Variants in TSPAN11 observed in about 807,000 individuals in gnomAD.
TSPAN11 encodes tetraspanin 11.
Under a neutral mutation model 32.9 loss-of-function variants are expected in TSPAN11, and 29 were observed. That is an observed-to-expected ratio of 0.88 (90% CI 0.66 to 1.20). The LOEUF (loss-of-function observed/expected upper bound fraction) is 1.20, where lower values mean the gene tolerates loss of function less well. Among genes scored for constraint, TSPAN11 ranks in the 50% most tolerant of loss-of-function variants. The pLI is 0.00. For missense variants in TSPAN11, 283 were observed against 329.1 expected (o/e 0.86, Z 1.08); for synonymous variants, 140 against 141.3 (o/e 0.99, Z 0.07).
At position 30,936,271 on chromosome 12, in the gene TSPAN11, G is replaced by A. The variant is rs556504973; in HGVS notation, c.-12+9475G>A. Among the ~76,000 whole-genome samples, 10 of 152,200 alleles carry A rather than the reference G, an allele frequency of 6.6e-5. No individual in the cohort carries two copies. In the East Asian group the frequency reaches 9.6e-4, roughly 15 times the overall value. On this transcript the variant is annotated intron_variant, in intron 1 of 7. Transcript: ENST00000546076. ...ACATTTTTCTTCCTGAGCTGCATACGTTGTGCTACAGTGATATTAATGTGT... is the reference window on the plus strand; with the variant it reads ...ACATTTTTCTTCCTGAGCTGCATACATTGTGCTACAGTGATATTAATGTGT...
intron 5 of TSPAN11, among the ~76,000 whole-genome samples, chr12:30,981,586 C>T (rs1427652228): frequency 2.0e-5 from 3 of 151,794 alleles, no homozygotes; most frequent in Non-Finnish European, 4.4e-5. Flanking sequence ...ATGCTCTCCT[C>T]GACTCCGGGG....
intron 3 of TSPAN11, among the ~76,000 whole-genome samples, chr12:30,973,178 C>T (rs1184224909): frequency 6.6e-6 from 1 of 152,190 alleles, no homozygotes; most frequent in Admixed American, 6.5e-5. Context: ...GTTCCTCGCT[C>T]ACCACGTACT....
intron 5 of TSPAN11, 42 bp from the exon 6 acceptor site, chr12:30,982,490 A>G (rs1404432268): frequency 3.2e-6 from 5 of 1,583,642 alleles, no homozygotes; most frequent in Admixed American, 3.4e-5. Flanking sequence ...GACCCTACGC[A>G]GGCCTCTCAC....
intron 2 of TSPAN11, among the ~76,000 whole-genome samples, chr12:30,960,014 G>A (rs1481197817): frequency 1.3e-5 from 2 of 150,566 alleles, no homozygotes; most frequent in African/African-American, 2.5e-5. Flanking sequence ...GTGGGGAACC[G>A]AGGTGGACAG....
intron 1 of TSPAN11, among the ~76,000 whole-genome samples, chr12:30,939,997 T>C (rs1938127573): frequency 6.6e-6 from 1 of 152,220 alleles, no homozygotes; most frequent in African/African-American, 2.4e-5. Flanking sequence ...GAAGACATTG[T>C]GGAGAGTGCA....
chr12:30,992,039 C>G lies in TSPAN11; in HGVS notation c.*124C>G. 9.1e-7 allele frequency: 1 copy of G among 1,101,790 alleles called. No homozygotes were observed. Among genetic ancestry groups the G allele is most frequent in the South Asian group, 1.3e-5 (1 of 76,724 alleles). 68.3% of individuals were successfully genotyped at this position (1,101,790 alleles called of 1,614,324 possible). A position where few individuals can be genotyped will look rare whatever the true frequency, so the allele number is the denominator to read the frequency against. On this transcript the variant is annotated 3_prime_UTR_variant, in exon 8 of 8. Transcript: ENST00000546076. ...TAGATGCCCCCTCCTTTGTGCCTAG[C>G]TCCTGCGAATCCACCGAGTGCCTGA...
intron 3 of TSPAN11, 95 bp downstream of exon 3, chr12:30,964,112 AGGGGCTGAGGCT>A: frequency 2.0e-6 from 2 of 982,130 alleles, no homozygotes. Flanking sequence ...CTGGAGTGGG[AGGGGCTGAGGCT>A]GTGGGAGTGC....
intron 1 of TSPAN11, among the ~76,000 whole-genome samples, chr12:30,931,879 C>CAAAAAAAAAAAAAAAAAAAA (rs58500177): frequency 3.3e-5 from 2 of 60,886 alleles, no homozygotes; most frequent in African/African-American, 1.3e-4. Context: ...GACGCTGTAT[C>CAAAAAAAAAAAAAAAAAAAA]AAAAAAAAAA....
chr12:30,955,556 T>C (rs933539516), intron 2 of TSPAN11, among the ~76,000 whole-genome samples: 5 of 152,224 alleles, frequency 3.3e-5, no homozygotes, highest in South Asian at 4.1e-4. Flanking sequence ...CAAAATGCCA[T>C]AAACTGGATG....
chr12:30,987,513 G>C (rs948880757), intron 7 of TSPAN11, among the ~76,000 whole-genome samples: 3 of 152,046 alleles, frequency 2.0e-5, no homozygotes, highest in Non-Finnish European at 4.4e-5. Context: ...AGGCTAAGGC[G>C]GGAGAAACGC....
chr12:30,947,232 A>G (rs575207302), intron 1 of TSPAN11, among the ~76,000 whole-genome samples: 1 of 152,272 alleles, frequency 6.6e-6, no homozygotes, highest in African/African-American at 2.4e-5. Flanking sequence ...AAGGTCCTAG[A>G]CAGGGGAGTC....
At chr12:30,957,837 CTCCTTCCT>C (rs1222730421) in intron 2 of TSPAN11, among the ~76,000 whole-genome samples, 1 of 10,892 alleles carries the variant, frequency 9.2e-5, no homozygotes, top group Non-Finnish European at 1.9e-4. Flanking sequence ...CCCTCCCTCC[CTCCTTCCT>C]TCCTTCCTTC....
Position 30,982,643 on chromosome 12 carries a change from G to C in TSPAN11, c.568G>C (p.Val190Leu). The change falls in exon 6 of 8, where the codon GTG becomes CTG. Residue 190 changes from valine (V) to leucine (L), a missense_variant. By Grantham distance (32) the Val-to-Leu change is conservative (BLOSUM62 1). Coordinates refer to ENST00000546076, the MANE Select transcript of TSPAN11 (RefSeq NM_001370302.1). ...CGACAGCTGCTGCAAGACAGTGGTG[G>C]TGCGCTGCGGCCAGCGGGCCCACCC... ...VPDSCCKTVVVRCGQRAHPSN... is the reference protein window; with the variant it reads ...VPDSCCKTVVLRCGQRAHPSN... 1.2e-6 allele frequency: 2 copies of C among 1,610,082 alleles called. No homozygotes were observed. Among genetic ancestry groups the C allele is most frequent in the Non-Finnish European group, 1.7e-6 (2 of 1,178,378 alleles).
intron 1 of TSPAN11, among the ~76,000 whole-genome samples, chr12:30,943,819 TTAAC>T (rs1180795211): frequency 3.3e-5 from 5 of 152,138 alleles, no homozygotes; most frequent in Non-Finnish European, 4.4e-5. Context: ...AAAGTGAAAA[TTAAC>T]TAAGAGGGAA....
intron 7 of TSPAN11, among the ~76,000 whole-genome samples, chr12:30,987,296 C>CA (rs1939219187): frequency 1.3e-5 from 2 of 152,186 alleles, no homozygotes; most frequent in Admixed American, 1.3e-4. Flanking sequence ...CAGTGGTCCT[C>CA]AACCTTGGCT....
intron 7 of TSPAN11, 30 bp downstream of exon 7, chr12:30,983,180 TG>T: frequency 6.3e-7 from 1 of 1,592,238 alleles, no homozygotes; most frequent in Non-Finnish European, 8.5e-7. Context: ...CTGGTGGGGG[TG>T]GAAGGGCTCT....
intron 1 of TSPAN11, chr12:30,927,129 C>A: frequency 1.1e-6 from 1 of 898,260 alleles, no homozygotes; most frequent in Non-Finnish European, 1.5e-6. Context: ...GTCCAGCGTG[C>A]CCGGGGCATG....
chr12:30,980,338 T>C (rs779681075), intron 5 of TSPAN11, among the ~76,000 whole-genome samples: 8 of 152,158 alleles, frequency 5.3e-5, no homozygotes, highest in Non-Finnish European at 7.4e-5. Flanking sequence ...AATACAACAT[T>C]CAGTTCCTCA....
chr12:31,006,872 G>A, the TSPAN11 span, among the ~76,000 whole-genome samples: 68 of 152,328 alleles, frequency 4.5e-4, no homozygotes, highest in African/African-American at 1.6e-3. Context: ...ATATGTTTCT[G>A]CCATAGGTAT....
Sources: allele counts gnomAD v4.1 joint callset (sites outside exome capture counted in the v4.1 genomes callset), GRCh38; gene constraint gnomAD v4.1.1; transcripts MANE v1.5; gene names NCBI Gene and HGNC (gene_info 2026-07-23, HGNC 2026-07-21).